The following OXR1 variants were observed in gnomAD, a reference collection of about 807,000 sequenced individuals.
OXR1 encodes oxidation resistance protein 1.
Under a neutral mutation model 104.6 loss-of-function variants are expected in OXR1, and 41 were observed. The ratio of observed to expected loss-of-function variants is 0.39; its 90% CI spans 0.31 to 0.51. The LOEUF is 0.51. OXR1 is among the 20% of genes least tolerant of loss of function. The probability of loss-of-function intolerance (pLI) is 0.77; values close to 1 mark genes in which losing one functional copy is unlikely to be tolerated. For synonymous variants in OXR1, 348 were observed against 348.4 expected (o/e 1.00, Z 0.01); for missense variants, 955 against 1,031.9 (o/e 0.93, Z 1.02).
At chr8:106,473,445 T>C (rs1409515445) in intron 2 of OXR1, among the ~76,000 whole-genome samples, 1 of 151,922 alleles carries the variant, frequency 6.6e-6, no homozygotes, top group Non-Finnish European at 1.5e-5. Context: ...CATGTTTTCG[T>C]TAGAAAAATC....
At chr8:106,474,198 A>G (rs1821680886) in intron 2 of OXR1, among the ~76,000 whole-genome samples, 2 of 151,340 alleles carry the variant, frequency 1.3e-5, no homozygotes, top group East Asian at 1.9e-4. Context: ...TTCTCAAAGT[A>G]TGCTTGGAAG....
chr8:106,698,923 A>G (rs1357775196), intron 7 of OXR1, among the ~76,000 whole-genome samples: 1 of 152,090 alleles, frequency 6.6e-6, no homozygotes, highest in Non-Finnish European at 1.5e-5. Flanking sequence ...TGGCTACCAG[A>G]CATCATGAAT....
intron 2 of OXR1, among the ~76,000 whole-genome samples, chr8:106,506,720 G>A (rs965669931): frequency 6.6e-6 from 1 of 151,950 alleles, no homozygotes; most frequent in Admixed American, 6.6e-5. Flanking sequence ...ACTGGACCAA[G>A]TGGATTAGGC....
chr8:106,316,679 T>C (rs945880232), intron 1 of OXR1, among the ~76,000 whole-genome samples: 1 of 140,334 alleles, frequency 7.1e-6, no homozygotes, highest in African/African-American at 2.6e-5. Flanking sequence ...GTATTTGTTT[T>C]TCTCTCTTTT....
At chr8:106,338,166 A>G (rs531803271) in intron 1 of OXR1, among the ~76,000 whole-genome samples, 20 of 152,310 alleles carry the variant, frequency 1.3e-4, no homozygotes, top group African/African-American at 4.6e-4. Flanking sequence ...TCAAACGGAA[A>G]CTTTAAAGGA....
At chr8:106,641,299 G>C (rs1250909897) in intron 3 of OXR1, among the ~76,000 whole-genome samples, 1 of 152,190 alleles carries the variant, frequency 6.6e-6, no homozygotes, top group African/African-American at 2.4e-5. Context: ...TGAAGCTAGT[G>C]AGTGAAAACG....
At chr8:106,310,267 T>A (rs971657550) in intron 1 of OXR1, among the ~76,000 whole-genome samples, 69 of 151,234 alleles carry the variant, frequency 4.6e-4, no homozygotes, top group South Asian at 2.1e-4. Context: ...CTAAGCTCTC[T>A]ATCAGAAATA....
chr8:106,290,800 C>T (rs1415864459), intron 1 of OXR1, among the ~76,000 whole-genome samples: 2 of 152,114 alleles, frequency 1.3e-5, no homozygotes, highest in Non-Finnish European at 2.9e-5. Flanking sequence ...AGAGACGATG[C>T]TGGTGAGGCT....
At chr8:106,632,889 AG>A (rs1822809648) in intron 3 of OXR1, among the ~76,000 whole-genome samples, 1 of 152,162 alleles carries the variant, frequency 6.6e-6, no homozygotes, top group Admixed American at 6.5e-5. Flanking sequence ...CAGTGAACCA[AG>A]ATCACACCAC....
intron 3 of OXR1, among the ~76,000 whole-genome samples, chr8:106,644,995 G>T (rs1823954809): frequency 6.6e-6 from 1 of 152,154 alleles, no homozygotes; most frequent in African/African-American, 2.4e-5. Flanking sequence ...TTAAAGCGGA[G>T]AAAAGGCAAT....
chr8:106,580,355 C>T (rs1364198944), intron 3 of OXR1, among the ~76,000 whole-genome samples: 3 of 152,186 alleles, frequency 2.0e-5, no homozygotes, highest in Non-Finnish European at 4.4e-5. Flanking sequence ...GCTTATTTCA[C>T]TTTGCCTAAT....
intron 2 of OXR1, among the ~76,000 whole-genome samples, chr8:106,401,602 A>G (rs1260834409): frequency 6.6e-6 from 1 of 152,154 alleles, no homozygotes; most frequent in African/African-American, 2.4e-5. Context: ...AACACACACA[A>G]ATGAGGAATA....
rs774000506 is a variant in OXR1 at position 106,702,945 on chromosome 8, A to G, written c.715A>G (p.Ile239Val). The change falls in exon 8 of 17, where the codon ATA (isoleucine) becomes GTA (valine). Residue 239 changes from isoleucine (I) to valine (V), a missense_variant. Physicochemically the swap from Ile to Val is conservative, Grantham distance 29 (BLOSUM62 3). Transcript: ENST00000517566. ...SGVLLVTPNN[I>V]MFDPHKNDPL... is the part of the protein sequence containing the mutation. Reference sequence around the variant, plus strand: ...TGTGCTGCTAGTTACACCAAATAATATAATGTTTGATCCACATAAAAATGA... The same window carrying G: ...TGTGCTGCTAGTTACACCAAATAATGTAATGTTTGATCCACATAAAAATGA... The G allele has an allele frequency of 6.8e-6, 11 of 1,613,654 alleles. No individual in the cohort carries two copies. The Admixed American group carries it at 8.3e-5, about 12-fold the overall frequency.
At chr8:106,271,094 A>AC (rs1554615842) in intron 1 of OXR1, among the ~76,000 whole-genome samples, 2 of 151,608 alleles carry the variant, frequency 1.3e-5, no homozygotes, top group Non-Finnish European at 1.5e-5. Flanking sequence ...TTGGGTGAAG[A>AC]GGGGGGGAGC....
intron 3 of OXR1, among the ~76,000 whole-genome samples, chr8:106,563,309 A>AG (rs1408264901): frequency 2.0e-5 from 3 of 151,130 alleles, no homozygotes; most frequent in South Asian, 2.1e-4. Flanking sequence ...AAAAAAAAAA[A>AG]AAAAAGAAAA....
At chr8:106,288,887 TTTCA>T (rs1255962662) in intron 1 of OXR1, among the ~76,000 whole-genome samples, 2 of 152,018 alleles carry the variant, frequency 1.3e-5, no homozygotes, top group African/African-American at 4.8e-5. Context: ...TCATTCGTTC[TTTCA>T]TTCAGCAAGT....
chr8:106,433,899 T>C (rs1819464031), intron 2 of OXR1, among the ~76,000 whole-genome samples: 1 of 152,204 alleles, frequency 6.6e-6, no homozygotes. Context: ...TGTAGATGTA[T>C]AACAGAATAA....
intron 11 of OXR1, among the ~76,000 whole-genome samples, chr8:106,714,423 A>G (rs1832030728): frequency 6.6e-6 from 1 of 152,068 alleles, no homozygotes; most frequent in South Asian, 2.1e-4. Context: ...TAGCATCTAT[A>G]CAAATTACTA....
intron 2 of OXR1, among the ~76,000 whole-genome samples, chr8:106,420,947 G>A (rs1297463980): frequency 6.6e-6 from 1 of 152,038 alleles, no homozygotes; most frequent in Non-Finnish European, 1.5e-5. Context: ...ACAAATGTAA[G>A]CAGAGTCAAG....
Sources: gnomAD v4.1 joint callset for allele counts (sites outside exome capture counted in the v4.1 genomes callset) on GRCh38, gnomAD v4.1.1 for gene constraint, MANE v1.5 for transcripts, NCBI Gene and HGNC (gene_info 2026-07-23, HGNC 2026-07-21) for gene names.